The following RTEL1 variants were observed in gnomAD, a reference collection of about 807,000 sequenced individuals.
RTEL1 encodes the protein regulator of telomere elongation helicase 1, also known as regulator of telomere length.
RTEL1 carries 86 observed loss-of-function variants against 162.2 expected under a neutral mutation model. The ratio of observed to expected loss-of-function variants is 0.53; its 90% CI spans 0.45 to 0.63. The LOEUF is 0.63. RTEL1 is among the 30% of genes least tolerant of loss of function. RTEL1 has a pLI of 0.00. For missense variants in RTEL1, 1,941 were observed against 1,750.2 expected, an observed-to-expected ratio of 1.11 and a Z score of -1.95; for synonymous variants, 958 against 717.9, an observed-to-expected ratio of 1.33 and a Z score of -5.35.
intron 31 of RTEL1, 50 bp from the exon 32 acceptor site, chr20:63,694,691 C>CG (rs1601195813): frequency 4.1e-6 from 6 of 1,475,626 alleles, no homozygotes; most frequent in Non-Finnish European, 9.2e-7. Flanking sequence ...CGGTGGGACT[C>CG]TCAGTCCTCC....
At position 63,687,544 on chromosome 20, in the gene RTEL1, A is replaced by G. The variant is rs1185606463; in HGVS notation, c.1349-94A>G. On this transcript the variant is annotated intron_variant, in intron 16 of 34. Transcript: ENST00000360203. ...GCCCGCGGCTCGCTTGCTTGATGCCAGTGGGTGGAGAGGGTGATGGGCAGA... is the reference window on the plus strand; with the variant it reads ...GCCCGCGGCTCGCTTGCTTGATGCCGGTGGGTGGAGAGGGTGATGGGCAGA... The G allele has an allele frequency of 3.7e-6, 5 of 1,363,616 alleles. No homozygotes were observed. In the African/African-American group the frequency reaches 5.8e-5, roughly 16 times the overall value. The allele number at this position is 1,363,616 out of a possible 1,614,324, so 84.5% of individuals were successfully genotyped here.
At chr20:63,662,080 G>A (rs1601085369) in intron 4 of RTEL1, 137 bp downstream of exon 4, 4 of 726,302 alleles carry the variant, frequency 5.5e-6, no homozygotes, top group African/African-American at 3.5e-5. Context: ...TGTGCAGAGC[G>A]CTGGTGCCCA....
intron 10 of RTEL1, among the ~76,000 whole-genome samples, chr20:63,676,290 C>A (rs1371315575): frequency 6.6e-6 from 1 of 152,060 alleles, no homozygotes; most frequent in African/African-American, 2.4e-5. Flanking sequence ...TTGAAGAGCC[C>A]AGGCCGTTTA....
intron 7 of RTEL1, among the ~76,000 whole-genome samples, chr20:63,666,710 A>G (rs1292945901): frequency 6.7e-6 from 1 of 150,070 alleles, no homozygotes. Context: ...TAATTTTTGT[A>G]TTTTTTGTAC....
intron 12 of RTEL1, among the ~76,000 whole-genome samples, chr20:63,679,494 C>T (rs1334941561): frequency 2.0e-5 from 3 of 152,142 alleles, no homozygotes; most frequent in Non-Finnish European, 2.9e-5. Context: ...TCCCCTCTGA[C>T]GGCGGCCCCT....
rs531567023 is a variant in RTEL1 at position 63,689,012 on chromosome 20, TG to T, written c.1801-34del. ...TCTCCCTCATGGGGGAGGAAGGGGC[TG>T]GGGGGGGGCTCCAGGCTCAGCCTCA... On this transcript the variant is annotated intron_variant, in intron 21 of 34. Coordinates refer to ENST00000360203, the MANE Select transcript of RTEL1 (RefSeq NM_001283009.2). 3.5e-3 allele frequency: 5,198 copies of T among 1,465,888 alleles called. 33 individuals carry two copies. The highest frequency in any genetic ancestry group is 0.027 in the African/African-American group (1,968 of 71,606). 90.8% of individuals were successfully genotyped at this position (1,465,888 alleles called of 1,614,324 possible).
In RTEL1 at chr20:63,693,489, ACCTCCACCT is replaced by A. The variant is rs1568720273; in HGVS notation, c.2992+209_2992+217del. Among the ~76,000 whole-genome samples the A allele has an allele frequency of 3.2e-3, 94 of 29,220 alleles. 8 individuals are homozygous for A. The highest frequency in any genetic ancestry group is 0.026 in the East Asian group (30 of 1,174). 19.2% of individuals were successfully genotyped at this position (29,220 alleles called of 152,430 possible). ...CACCTCCACCTCCACCTCCACCACC[ACCTCCACCT>A]CCACCACCACCTCCTCCACCACCAC... On this transcript the variant is annotated intron_variant, in intron 30 of 34. Coordinates refer to ENST00000360203, the MANE Select transcript of RTEL1 (RefSeq NM_001283009.2).
At chr20:63,676,551 CATCT>C (rs2090353423) in intron 10 of RTEL1, among the ~76,000 whole-genome samples, 7 of 152,192 alleles carry the variant, frequency 4.6e-5, no homozygotes, top group Admixed American at 4.6e-4. Context: ...CTAATTCCAT[CATCT>C]AGTCAGTTAG....
intron 14 of RTEL1, chr20:63,681,812 G>T (rs2090483242): frequency 1.2e-5 from 12 of 985,340 alleles, no homozygotes; most frequent in Non-Finnish European, 1.4e-5. Flanking sequence ...GCGGTAGCTG[G>T]GGCTGGAAGG....
In RTEL1 at chr20:63,693,444, AGCAGCACCACCT is replaced by A. The variant is rs1568719757; in HGVS notation, c.2992+162_2992+173del. On this transcript the variant is annotated intron_variant, in intron 30 of 34. Transcript: ENST00000360203. ...GGCCTCCACCTCCACCACCAGCACC[AGCAGCACCACCT>A]CCACCTCCACCTCCACCTCCACCTC... is the stretch of plus-strand genomic sequence containing the variant. 7.1e-5 allele frequency among the ~76,000 whole-genome samples: 9 copies of A among 126,998 alleles called. No homozygotes were observed. The South Asian group carries it at 7.7e-4, about 11-fold the overall frequency. 83.3% of individuals were successfully genotyped at this position (126,998 alleles called of 152,430 possible). A position where few individuals can be genotyped will look rare whatever the true frequency, so the allele number is the denominator to read the frequency against.
intron 8 of RTEL1, 84 bp downstream of exon 8, chr20:63,667,637 C>A: frequency 1.8e-6 from 2 of 1,109,098 alleles, no homozygotes; most frequent in Non-Finnish European, 2.8e-6. Context: ...GCCTTTGCTG[C>A]TTCAGGGCCT....
intron 19 of RTEL1, 33 bp from the exon 20 acceptor site, chr20:63,688,268 C>G: frequency 6.2e-7 from 1 of 1,609,688 alleles, no homozygotes; most frequent in Non-Finnish European, 8.5e-7. Context: ...AGACATCCTG[C>G]CCCTGCCTTG....
Position 63,690,931 on chromosome 20 carries a change from G to T in RTEL1, c.2540G>T (p.Ser847Ile), listed in dbSNP as rs545991923. The T allele has an allele frequency of 7.1e-6, 11 of 1,554,584 alleles. No individual in the cohort carries two copies. The highest frequency in any genetic ancestry group is 1.4e-5 in the African/African-American group (1 of 73,524). Residue 847 changes from serine to isoleucine, a missense_variant, in exon 27 of 35, where the codon AGC becomes ATC. Ser to Ile is a moderately radical substitution (Grantham distance 142, BLOSUM62 -2). Coordinates refer to ENST00000360203, the MANE Select transcript of RTEL1 (RefSeq NM_001283009.2). ...GAGCACAGCGAACAGCGGGCGGGGA[G>T]CCCTGGCGAGGAGCAGGTACAGTTC... ...ALEHSEQRAG[S>I]PGEEQAHSCS...
Position 63,679,837 on chromosome 20 carries a change from T to C in RTEL1, c.1038-12T>C. The C allele has an allele frequency of 6.2e-7, 1 of 1,606,870 alleles. No individual in the cohort carries two copies. The highest frequency in any genetic ancestry group is 1.1e-5 in the South Asian group (1 of 90,950). ...CCCGCCAGGCTCGAGCCTGCCTTCT[T>C]CTCCTCGGCAGCTACATCTTTGAGC... is the stretch of plus-strand genomic sequence containing the variant. On this transcript the variant is annotated splice_polypyrimidine_tract_variant and intron_variant, in intron 12 of 34. Coordinates refer to ENST00000360203, the MANE Select transcript of RTEL1 (RefSeq NM_001283009.2).
chr20:63,681,453 C>G, intron 14 of RTEL1: 7 of 985,278 alleles, frequency 7.1e-6, no homozygotes, highest in Non-Finnish European at 8.4e-6. Flanking sequence ...TCTGTGCTGC[C>G]CACGCTGTAC....
chr20:63,686,227 C>T lies in RTEL1; in HGVS notation c.1348+355C>T, dbSNP rs1018508648. On this transcript the variant is annotated intron_variant, in intron 16 of 34. Transcript: ENST00000360203. ...GGCTCTGCCTGCTGCCTCCACGCAG[C>T]GCCTGGCCGGGCCAAGCCTCAGGGT... The T allele has an allele frequency of 2.6e-5, 9 of 342,968 alleles. No homozygotes were observed. In the East Asian group the frequency reaches 4.2e-4, roughly 16 times the overall value. The allele number at this position is 342,968 out of a possible 1,614,324, so 21.2% of individuals were successfully genotyped here.
Position 63,687,315 on chromosome 20 carries a change from T to G in RTEL1, c.1349-323T>G, listed in dbSNP as rs77755108. 822 of 290,386 alleles carry G rather than the reference T, an allele frequency of 2.8e-3. 24 individuals carry two copies. In the East Asian group the frequency reaches 0.047, roughly 16 times the overall value. The allele number at this position is 290,386 out of a possible 1,614,324, so 18.0% of individuals were successfully genotyped here. A position where few individuals can be genotyped will look rare whatever the true frequency, so the allele number is the denominator to read the frequency against. On this transcript the variant is annotated intron_variant, in intron 16 of 34. Transcript: ENST00000360203. The stretch of plus-strand genomic sequence containing the variant: ...CCGTGTGCTCTTGGCGGGGTGGGCT[T>G]CTTGCCCTGAGCCGCATGTCACAGT...
At chr20:63,679,001 C>A (rs950824359) in intron 12 of RTEL1, among the ~76,000 whole-genome samples, 1 of 152,158 alleles carries the variant, frequency 6.6e-6, no homozygotes, top group Admixed American at 6.5e-5. Flanking sequence ...TGGTCCAGTC[C>A]GTCATTTGAG....
chr20:63,693,095 C>G (rs1015913428), intron 29 of RTEL1, 48 bp from the exon 30 acceptor site: 8 of 1,611,758 alleles, frequency 5.0e-6, no homozygotes, highest in South Asian at 1.1e-5. Context: ...GGTCTCTGTT[C>G]TCTAGAGAAA....
Sources: gnomAD v4.1 joint callset for allele counts (sites outside exome capture counted in the v4.1 genomes callset) on GRCh38, gnomAD v4.1.1 for gene constraint, MANE v1.5 for transcripts, NCBI Gene and HGNC (gene_info 2026-07-23, HGNC 2026-07-21) for gene names.